Variants in HSD17B12 observed in about 807,000 individuals in gnomAD.
HSD17B12 encodes hydroxysteroid 17-beta dehydrogenase 12, also known as very-long-chain 3-oxoacyl-CoA reductase.
A neutral mutation model predicts 39.3 loss-of-function variants in HSD17B12; 32 were observed. That is an observed-to-expected ratio of 0.81 (90% confidence interval 0.61 to 1.09). HSD17B12 has a LOEUF of 1.09. Among genes scored for constraint, HSD17B12 ranks in the 50% least tolerant of loss-of-function variants. HSD17B12 has a pLI of 0.00. For synonymous variants in HSD17B12, 150 were observed against 146.7 expected (o/e 1.02, Z -0.16); for missense variants, 342 against 382.9 (o/e 0.89, Z 0.89).
chr11:43,824,368 G>A (rs1417676202), intron 6 of HSD17B12, among the ~76,000 whole-genome samples: 2 of 152,184 alleles, frequency 1.3e-5, no homozygotes, highest in Non-Finnish European at 2.9e-5. Flanking sequence ...AATCTCTTCT[G>A]TCTTAGTCCC....
At chr11:43,699,956 A>G (rs1016162806) in intron 1 of HSD17B12, among the ~76,000 whole-genome samples, 1 of 152,224 alleles carries the variant, frequency 6.6e-6, no homozygotes, top group Admixed American at 6.5e-5. Context: ...TATCTACAGG[A>G]CATTATCAAG....
the HSD17B12 span, among the ~76,000 whole-genome samples, chr11:43,632,358 C>T: frequency 6.6e-6 from 1 of 152,184 alleles, no homozygotes; most frequent in African/African-American, 2.4e-5. Flanking sequence ...AGGGAAGCTC[C>T]TGACATCCTG....
intron 7 of HSD17B12, chr11:43,833,487 T>C (rs565221792): frequency 3.3e-5 from 5 of 152,286 alleles, no homozygotes; most frequent in African/African-American, 1.2e-4. Flanking sequence ...TCTGCCCACA[T>C]TTCATTGTGC....
chr11:43,845,760 A>G (rs1041549060), intron 9 of HSD17B12, among the ~76,000 whole-genome samples: 2 of 152,128 alleles, frequency 1.3e-5, no homozygotes, highest in African/African-American at 4.8e-5. Flanking sequence ...GTGTTACCCA[A>G]CTTCTCTGCC....
the HSD17B12 span, among the ~76,000 whole-genome samples, chr11:43,635,075 TA>T: frequency 6.6e-6 from 1 of 151,980 alleles, no homozygotes; most frequent in Non-Finnish European, 1.5e-5. Flanking sequence ...TCAGCAAATA[TA>T]AAAAAAACAG....
chr11:43,754,561 G>GA (rs1950493220), intron 3 of HSD17B12, among the ~76,000 whole-genome samples: 2 of 152,194 alleles, frequency 1.3e-5, no homozygotes, highest in Non-Finnish European at 2.9e-5. Context: ...GGGTGACAGA[G>GA]TGAGACTCCA....
chr11:43,744,205 A>T (rs911015836), intron 1 of HSD17B12, among the ~76,000 whole-genome samples: 5 of 152,188 alleles, frequency 3.3e-5, no homozygotes, highest in African/African-American at 1.2e-4. Context: ...TTATTAAACA[A>T]TTAACATAAG....
In HSD17B12 at chr11:43,855,264, T is replaced by C. The variant is rs751079549; in HGVS notation, c.*16T>C. The C allele has an allele frequency of 1.5e-4, 223 of 1,529,954 alleles. No homozygotes were observed. Among genetic ancestry groups the C allele is most frequent in the Admixed American group, 8.3e-4 (46 of 55,556 alleles). The allele number at this position is 1,529,954 out of a possible 1,614,324, so 94.8% of individuals were successfully genotyped here. Reference sequence around the variant, plus strand: ...GAAGAACTAAGCATTGATAACTGCATTGTAACTTGGCCAGATGCTCCAGCA... The same window carrying C: ...GAAGAACTAAGCATTGATAACTGCACTGTAACTTGGCCAGATGCTCCAGCA... On this transcript the variant is annotated 3_prime_UTR_variant, in exon 11 of 11. Coordinates refer to ENST00000278353, the MANE Select transcript of HSD17B12 (RefSeq NM_016142.3).
the HSD17B12 span, among the ~76,000 whole-genome samples, chr11:43,662,426 G>A: frequency 1.0e-5 from 1 of 98,402 alleles, no homozygotes; most frequent in Admixed American, 1.0e-4. Flanking sequence ...TGTATTTTTA[G>A]TAGAGGCAGG....
chr11:43,827,688 C>A (rs1414987640), intron 6 of HSD17B12, among the ~76,000 whole-genome samples: 2 of 152,120 alleles, frequency 1.3e-5, no homozygotes, highest in African/African-American at 4.8e-5. Flanking sequence ...TCTAGGCCAG[C>A]CAATGCATTT....
At chr11:43,788,434 A>G (rs1456861614) in intron 3 of HSD17B12, among the ~76,000 whole-genome samples, 1 of 152,208 alleles carries the variant, frequency 6.6e-6, no homozygotes, top group African/African-American at 2.4e-5. Flanking sequence ...AAATGTTTAT[A>G]CATTTTATAA....
the HSD17B12 span, among the ~76,000 whole-genome samples, chr11:43,660,954 G>A: frequency 5.3e-5 from 8 of 152,082 alleles, no homozygotes; most frequent in South Asian, 6.2e-4. Flanking sequence ...GCGAAACCCC[G>A]TCTCTACTAA....
At chr11:43,678,284 G>A (rs1949709029), upstream of HSD17B12, among the ~76,000 whole-genome samples, 1 of 152,096 alleles carries the variant, frequency 6.6e-6, no homozygotes. Flanking sequence ...GGGGTTGTTT[G>A]TTTTTTTCTT....
chr11:43,727,173 A>G (rs1220078403), intron 1 of HSD17B12, among the ~76,000 whole-genome samples: 2 of 152,210 alleles, frequency 1.3e-5, no homozygotes, highest in Non-Finnish European at 2.9e-5. Context: ...TCACAGGCCA[A>G]GAGGCCCCCT....
intron 3 of HSD17B12, among the ~76,000 whole-genome samples, chr11:43,793,100 G>T (rs933859594): frequency 6.6e-6 from 1 of 152,130 alleles, no homozygotes; most frequent in Admixed American, 6.5e-5. Context: ...TATATTAAGT[G>T]CCTCGTAGGG....
At chr11:43,814,218 A>G (rs1325496746) in intron 4 of HSD17B12, among the ~76,000 whole-genome samples, 1 of 151,848 alleles carries the variant, frequency 6.6e-6, no homozygotes, top group Non-Finnish European at 1.5e-5. Flanking sequence ...GTTTTAACAT[A>G]GTGGTTAAAA....
At chr11:43,651,430 T>C in the HSD17B12 span, among the ~76,000 whole-genome samples, 2 of 152,220 alleles carry the variant, frequency 1.3e-5, no homozygotes, top group Non-Finnish European at 2.9e-5. Context: ...TGAGATCAGT[T>C]ACAGAAGTAT....
At chr11:43,606,502 A>G in the HSD17B12 span, among the ~76,000 whole-genome samples, 23 of 152,244 alleles carry the variant, frequency 1.5e-4, no homozygotes, top group Non-Finnish European at 4.4e-5. Flanking sequence ...TTTATAAGAT[A>G]CTTTCTCAAA....
At chr11:43,817,025 T>TAG (rs1565099976) in intron 6 of HSD17B12, among the ~76,000 whole-genome samples, 13 of 25,170 alleles carry the variant, frequency 5.2e-4, no homozygotes, top group African/African-American at 1.4e-3. Flanking sequence ...TCTATATCTA[T>TAG]ATCTATATCT....
Sources: allele counts gnomAD v4.1 joint callset (sites outside exome capture counted in the v4.1 genomes callset), GRCh38; gene constraint gnomAD v4.1.1; transcripts MANE v1.5; gene names NCBI Gene and HGNC (gene_info 2026-07-23, HGNC 2026-07-21).